Variants in AFF1 observed in about 807,000 individuals in gnomAD.
The protein encoded by AFF1 is AF4/FMR2 family member 1.
AFF1 carries 48 observed loss-of-function variants against 121.7 expected under a neutral mutation model. The ratio of observed to expected loss-of-function variants is 0.39; its 90% CI spans 0.31 to 0.50. AFF1 has a LOEUF of 0.50. Among genes scored for constraint, AFF1 ranks in the 20% least tolerant of loss-of-function variants. The pLI, the probability that AFF1 is intolerant of heterozygous loss-of-function variation, is 0.76. For missense variants in AFF1, 1,523 were observed against 1,511.7 expected (o/e 1.01, Z -0.12); for synonymous variants, 613 against 563.0 (o/e 1.09, Z -1.26).
intron 2 of AFF1, among the ~76,000 whole-genome samples, chr4:86,967,443 A>G (rs76353829): frequency 6.6e-6 from 1 of 152,176 alleles, no homozygotes; most frequent in East Asian, 1.9e-4. Flanking sequence ...AAATTTGACC[A>G]TGTATTTAGG....
At chr4:86,985,212 TATAA>T (rs1280267275) in intron 2 of AFF1, among the ~76,000 whole-genome samples, 97 of 99,056 alleles carry the variant, frequency 9.8e-4, no homozygotes, top group South Asian at 5.7e-3. Context: ...TATATATATA[TATAA>T]AATTATATTT....
chr4:87,127,834 C>A, intron 16 of AFF1, 131 bp downstream of exon 16: 1 of 896,288 alleles, frequency 1.1e-6, no homozygotes, highest in Non-Finnish European at 1.7e-6. Context: ...GCAGCAGGCG[C>A]AGGAGAAAGG....
At chr4:87,068,530 G>GT (rs1182913577) in intron 4 of AFF1, among the ~76,000 whole-genome samples, 2 of 152,186 alleles carry the variant, frequency 1.3e-5, no homozygotes, top group African/African-American at 4.8e-5. Context: ...TCACATCCTG[G>GT]TTTTGCAGGG....
At chr4:86,961,604 G>A (rs954453612) in intron 2 of AFF1, among the ~76,000 whole-genome samples, 5 of 151,622 alleles carry the variant, frequency 3.3e-5, no homozygotes, top group Non-Finnish European at 5.9e-5. Flanking sequence ...CTGAGTGATG[G>A]GAATAGGGGT....
In AFF1 at chr4:87,139,344, T is replaced by C. The variant is rs550713541; in HGVS notation, c.*3643T>C. On this transcript the variant is annotated 3_prime_UTR_variant, in exon 21 of 21. Coordinates refer to ENST00000395146, the MANE Select transcript of AFF1 (RefSeq NM_001166693.3). ...AGGCTGGGCTTTCGGGTTTTTTTGT[T>C]TTTTGTTTTGTTTTGTTTTGTTTTG... The C allele has an allele frequency of 9.4e-5, 22 of 233,246 alleles. No individual in the cohort carries two copies. Among genetic ancestry groups the C allele is most frequent in the Non-Finnish European group, 1.7e-4 (20 of 117,932 alleles). The allele number at this position is 233,246 out of a possible 1,614,324, so 14.4% of individuals were successfully genotyped here. A position where few individuals can be genotyped will look rare whatever the true frequency, so the allele number is the denominator to read the frequency against.
chr4:87,125,051 A>T lies in AFF1; in HGVS notation c.2481A>T (p.Arg827Ser). The change falls in exon 13 of 21, where the codon AGA (arginine) becomes AGT (serine). Residue 827 changes from arginine (R) to serine (S), a missense_variant. Physicochemically the swap from Arg to Ser is moderately radical, Grantham distance 110. Around this residue, in one of 5 missense-constraint regions of AFF1, gnomAD observed 905 missense variants for 842.5 expected, o/e 1.07. Coordinates refer to ENST00000395146, the MANE Select transcript of AFF1 (RefSeq NM_001166693.3). Reference protein sequence around the residue: ...LAKKRKGEAERDCDNKKIRLE... With the variant: ...LAKKRKGEAESDCDNKKIRLE... ...TACTGTAATAGGGTGAAGCAGAAAG[A>T]GACTGTGATAACAAGAAAATCAGAC... The T allele has an allele frequency of 1.9e-6, 3 of 1,605,474 alleles. No individual in the cohort carries two copies. The highest frequency in any genetic ancestry group is 2.6e-6 in the Non-Finnish European group (3 of 1,175,416).
chr4:87,078,621 C>T (rs966070852), intron 4 of AFF1, among the ~76,000 whole-genome samples: 2 of 152,142 alleles, frequency 1.3e-5, no homozygotes, highest in East Asian at 1.9e-4. Flanking sequence ...TAGGAATTAT[C>T]CCTGACACAG....
At chr4:86,975,718 A>T (rs1303217092) in intron 2 of AFF1, among the ~76,000 whole-genome samples, 1 of 152,220 alleles carries the variant, frequency 6.6e-6, no homozygotes, top group Non-Finnish European at 1.5e-5. Flanking sequence ...CCTCCTTATC[A>T]GAGTTAGGTG....
intron 4 of AFF1, among the ~76,000 whole-genome samples, chr4:87,055,152 A>T (rs1329617352): frequency 6.6e-6 from 1 of 152,082 alleles, no homozygotes. Context: ...ATTTATTTTT[A>T]TTTTTTGTAG....
intron 2 of AFF1, among the ~76,000 whole-genome samples, chr4:86,970,329 C>A (rs957860974): frequency 2.6e-5 from 4 of 151,718 alleles, no homozygotes; most frequent in Non-Finnish European, 4.4e-5. Context: ...CTCGTCTCTA[C>A]AACAACAACA....
At chr4:87,026,421 A>G (rs1728543025) in intron 2 of AFF1, among the ~76,000 whole-genome samples, 1 of 152,060 alleles carries the variant, frequency 6.6e-6, no homozygotes. Context: ...GTACTCGTTT[A>G]CTGTGATGGT....
intron 8 of AFF1, among the ~76,000 whole-genome samples, chr4:87,100,260 G>A (rs761591488): frequency 6.6e-6 from 1 of 152,026 alleles, no homozygotes; most frequent in Non-Finnish European, 1.5e-5. Flanking sequence ...AACCAACAAG[G>A]TGTGGTCCAC....
At chr4:87,097,084 G>GGTTTT (rs1724951332) in intron 8 of AFF1, among the ~76,000 whole-genome samples, 1 of 152,128 alleles carries the variant, frequency 6.6e-6, no homozygotes, top group Admixed American at 6.6e-5. Flanking sequence ...ATCTCCCCAG[G>GGTTTT]GTTTTACACC....
At chr4:86,951,615 CTT>C (rs748093135) in intron 2 of AFF1, among the ~76,000 whole-genome samples, 1 of 124,944 alleles carries the variant, frequency 8.0e-6, no homozygotes, top group Admixed American at 8.6e-5. Flanking sequence ...TTTCTTTTTT[CTT>C]TTTTTCTTTT....
At chr4:87,088,866 C>G (rs1341365533) in intron 5 of AFF1, among the ~76,000 whole-genome samples, 1 of 152,214 alleles carries the variant, frequency 6.6e-6, no homozygotes, top group African/African-American at 2.4e-5. Context: ...CAACCTCAGC[C>G]TCCCGAGTAG....
At chr4:87,113,906 T>C (rs185454776) in intron 11 of AFF1, among the ~76,000 whole-genome samples, 1 of 152,272 alleles carries the variant, frequency 6.6e-6, no homozygotes, top group African/African-American at 2.4e-5. Context: ...ATAAAAGTCA[T>C]CTTTAGTTGA....
intron 2 of AFF1, among the ~76,000 whole-genome samples, chr4:86,972,866 C>G (rs1425900298): frequency 2.0e-5 from 3 of 152,154 alleles, no homozygotes; most frequent in Non-Finnish European, 4.4e-5. Flanking sequence ...TATTCCACTG[C>G]TTTCGTTTTT....
chr4:86,978,194 T>TTTTTTTTTTTTTTTG (rs1723458008), intron 2 of AFF1, among the ~76,000 whole-genome samples: 1 of 118,176 alleles, frequency 8.5e-6, no homozygotes, highest in Admixed American at 9.4e-5. Flanking sequence ...TTTTTTTTTT[T>TTTTTTTTTTTTTTTG]TTTTTTTGAG....
chr4:86,976,334 A>G (rs1192061438), intron 2 of AFF1, among the ~76,000 whole-genome samples: 1 of 152,158 alleles, frequency 6.6e-6, no homozygotes, highest in Non-Finnish European at 1.5e-5. Flanking sequence ...GTGGTGTAGA[A>G]AGGCGCTCCG....
Sources: gnomAD v4.1 joint callset for allele counts (sites outside exome capture counted in the v4.1 genomes callset) on GRCh38, gnomAD v4.1.1 for gene constraint, gnomAD v4.1.1 regional missense constraint, MANE v1.5 for transcripts, NCBI Gene and HGNC (gene_info 2026-07-23, HGNC 2026-07-21) for gene names.